Variants in ZNF540 observed in about 807,000 individuals in gnomAD.
The protein encoded by ZNF540 is zinc finger protein 540, also known as CTD-3064H18.6.
Under a neutral mutation model 11.8 loss-of-function variants are expected in ZNF540, and 3 were observed. The ratio of observed to expected loss-of-function variants is 0.25; its 90% CI spans 0.12 to 0.65. The LOEUF (loss-of-function observed/expected upper bound fraction) is 0.65, where lower values mean the gene tolerates loss of function less well. ZNF540 is among the 30% of genes least tolerant of loss of function. The pLI is 0.83. For missense variants in ZNF540, 709 were observed against 793.1 expected, an observed-to-expected ratio of 0.89 and a Z score of 1.27; for synonymous variants, 247 against 259.0, an observed-to-expected ratio of 0.95 and a Z score of 0.45.
chr19:37,551,976 C>A (rs1014617569), intron 1 of ZNF540, among the ~76,000 whole-genome samples: 3 of 152,120 alleles, frequency 2.0e-5, no homozygotes, highest in South Asian at 4.2e-4. Context: ...TCATTGATTT[C>A]AGCTCTAAGC....
chr19:37,573,274 T>A lies in ZNF540; in HGVS notation c.-73+21609T>A, dbSNP rs997256636. Among the ~76,000 whole-genome samples, 3 of 152,274 alleles carry A rather than the reference T, an allele frequency of 2.0e-5. No homozygotes were observed. The South Asian group carries it at 6.2e-4, about 32-fold the overall frequency. On this transcript the variant is annotated intron_variant, in intron 1 of 4. Transcript: ENST00000592533. Reference sequence around the variant, plus strand: ...TTCTATATAAAAGTATTGGAGATACTGGATTCCTATTATTAACGGCATGAT... The same window carrying A: ...TTCTATATAAAAGTATTGGAGATACAGGATTCCTATTATTAACGGCATGAT...
chr19:37,562,695 A>G (rs2042731209), intron 1 of ZNF540: 1 of 152,194 alleles, frequency 6.6e-6, no homozygotes, highest in South Asian at 2.1e-4. Context: ...ACAAGTTCAA[A>G]TTATTTAAAG....
At chr19:37,605,391 TGTAATCCCA>T (rs1425606352) in intron 4 of ZNF540, among the ~76,000 whole-genome samples, 3 of 152,202 alleles carry the variant, frequency 2.0e-5, no homozygotes, top group African/African-American at 7.2e-5. Context: ...GGCTCATGCC[TGTAATCCCA>T]GCACTTTGGG....
At chr19:37,604,510 T>A (rs1279278444) in intron 4 of ZNF540, among the ~76,000 whole-genome samples, 1 of 151,870 alleles carries the variant, frequency 6.6e-6, no homozygotes, top group Admixed American at 6.6e-5. Context: ...GGTTTCACCG[T>A]GTTAGCCAGG....
Position 37,612,387 on chromosome 19 carries a change from C to T in ZNF540, c.1107C>T (p.Tyr369=), listed in dbSNP as rs2044138569. 3 of 1,613,588 alleles carry T rather than the reference C, an allele frequency of 1.9e-6. No individual in the cohort carries two copies. The highest frequency in any genetic ancestry group is 1.3e-5 in the African/African-American group (1 of 74,774). Reference sequence around the variant, plus strand: ...GAAAGACCTTTAGACTTAGTTTTTACCTTACTGAACACAGAAGAACTCATG... The same window carrying T: ...GAAAGACCTTTAGACTTAGTTTTTATCTTACTGAACACAGAAGAACTCATG... ...ECGKTFRLSF[Y]LTEHRRTHAG... is the part of the protein sequence containing the mutation. The change falls in exon 5 of 5, where the codon TAC becomes TAT. Residue 369 remains tyrosine, a synonymous_variant. Transcript: ENST00000316433.
At chr19:37,554,041 T>C (rs2042635406) in intron 1 of ZNF540, among the ~76,000 whole-genome samples, 1 of 152,214 alleles carries the variant, frequency 6.6e-6, no homozygotes, top group African/African-American at 2.4e-5. Context: ...TGCAGGTTTG[T>C]TACATTGGCA....
rs776458518 is a variant in ZNF540, at chr19:37,586,617, A to G, written c.-72-11759A>G. On this transcript the variant is annotated intron_variant, in intron 1 of 4. Transcript: ENST00000592533. The stretch of plus-strand genomic sequence containing the variant: ...ATTCTGGGATAAATCTGGTGTTCAC[A>G]TTACACAACAAAATGATTGTACTTC... The G allele has an allele frequency of 1.9e-6, 3 of 1,610,924 alleles. No homozygotes were observed. The East Asian group carries it at 6.7e-5, about 36-fold the overall frequency.
At chr19:37,594,170 TC>T (rs936744803), upstream of ZNF540, 2 of 152,222 alleles carry the variant, frequency 1.3e-5, no homozygotes, top group African/African-American at 4.8e-5. Flanking sequence ...CTAAGACACT[TC>T]CAGGGGTAAA....
Position 37,612,284 on chromosome 19 carries a change from C to T in ZNF540, c.1004C>T (p.Ala335Val). The T allele has an allele frequency of 6.2e-7, 1 of 1,613,902 alleles. No homozygotes were observed. Among genetic ancestry groups the T allele is most frequent in the Admixed American group, 1.7e-5 (1 of 60,014 alleles). ...TATGAATGTAAGGAGTGTGGGAAAGCTTTTAGTGTATGCGGACAACTTACC... is the reference window on the plus strand; with the variant it reads ...TATGAATGTAAGGAGTGTGGGAAAGTTTTTAGTGTATGCGGACAACTTACC... ...KPYECKECGK[A>V]FSVCGQLTRH... Residue 335 changes from alanine to valine, a missense_variant, in exon 5 of 5, where the codon GCT becomes GTT. Ala to Val is a moderately conservative substitution (Grantham distance 64, BLOSUM62 0). Coordinates refer to ENST00000316433, the MANE Select transcript of ZNF540 (RefSeq NM_001172225.3).
At chr19:37,561,403 T>C (rs1164792137) in intron 1 of ZNF540, among the ~76,000 whole-genome samples, 1 of 152,202 alleles carries the variant, frequency 6.6e-6, no homozygotes, top group Non-Finnish European at 1.5e-5. Flanking sequence ...ATGCTTAAAA[T>C]TTCCCCTTAC....
intron 1 of ZNF540, among the ~76,000 whole-genome samples, chr19:37,584,688 C>G (rs191666314): frequency 6.0e-4 from 92 of 152,154 alleles, no homozygotes; most frequent in African/African-American, 2.2e-3. Flanking sequence ...CTCGGCCGGG[C>G]GCGGTGGCTC....
chr19:37,588,878 T>A (rs1392161822), intron 1 of ZNF540, among the ~76,000 whole-genome samples: 1 of 152,108 alleles, frequency 6.6e-6, no homozygotes, highest in Non-Finnish European at 1.5e-5. Context: ...CCAAATTAAC[T>A]CCAAATATAT....
In ZNF540 at chr19:37,612,997, C is replaced by T. The variant is rs765861116; in HGVS notation, c.1717C>T (p.His573Tyr). 1.2e-6 allele frequency: 2 copies of T among 1,614,138 alleles called. No homozygotes were observed. Among genetic ancestry groups the T allele is most frequent in the Admixed American group, 3.3e-5 (2 of 60,020 alleles). Residue 573 changes from histidine (H) to tyrosine (Y), a missense_variant, in exon 5 of 5, where the codon CAT becomes TAT. Coordinates refer to ENST00000316433, the MANE Select transcript of ZNF540 (RefSeq NM_001172225.3). The part of the protein sequence containing the change: ...RGQFTEHQKI[H>Y]TGVKPYKCKE... The stretch of plus-strand genomic sequence containing the variant: ...GCAGTTCACTGAACATCAGAAAATT[C>T]ATACGGGTGTAAAACCATACAAATG...
upstream of ZNF540, among the ~76,000 whole-genome samples, chr19:37,592,287 G>A (rs12461113): frequency 0.25 from 38,417 of 151,866 alleles, 5,482 homozygotes; most frequent in East Asian, 0.63. Context: ...TCAATCATAA[G>A]TGGACGTTAT....
chr19:37,603,572 T>C (rs2044057392), intron 4 of ZNF540, among the ~76,000 whole-genome samples: 1 of 152,160 alleles, frequency 6.6e-6, no homozygotes, highest in Non-Finnish European at 1.5e-5. Context: ...AGAGTTATGT[T>C]TGAGGTGAAA....
chr19:37,599,101 G>A (rs187833909), intron 2 of ZNF540, among the ~76,000 whole-genome samples: 6 of 152,126 alleles, frequency 3.9e-5, no homozygotes, highest in Middle Eastern at 3.4e-3. Flanking sequence ...CTATGGCCTC[G>A]AACTTCTGAG....
chr19:37,574,692 T>C (rs1568349095), intron 1 of ZNF540, among the ~76,000 whole-genome samples: 1 of 152,224 alleles, frequency 6.6e-6, no homozygotes, highest in Non-Finnish European at 1.5e-5. Context: ...TTAGTAGATA[T>C]GACTAGAAAA....
At chr19:37,607,934 T>C (rs892574035) in intron 4 of ZNF540, among the ~76,000 whole-genome samples, 1 of 152,260 alleles carries the variant, frequency 6.6e-6, no homozygotes, top group Non-Finnish European at 1.5e-5. Context: ...CAGCAATGAA[T>C]GAGAGTTCCT....
chr19:37,563,544 CATATGTGGAATAT>C (rs911956139), intron 1 of ZNF540: 2 of 151,518 alleles, frequency 1.3e-5, no homozygotes, highest in African/African-American at 4.9e-5. Flanking sequence ...ATATGGAATA[CATATGTGGAATAT>C]ATACATATAT....
Sources: allele counts gnomAD v4.1 joint callset (sites outside exome capture counted in the v4.1 genomes callset), GRCh38; gene constraint gnomAD v4.1.1; transcripts MANE v1.5; gene names NCBI Gene and HGNC (gene_info 2026-07-23, HGNC 2026-07-21).